SCP2: variants seen among roughly 807,000 people sequenced by gnomAD.
SCP2 encodes the protein SCP-2/3-oxoacyl-CoA thiolase.
Under a neutral mutation model 71.4 loss-of-function variants are expected in SCP2, and 48 were observed. That is an observed-to-expected ratio of 0.67 (90% confidence interval 0.53 to 0.86). The LOEUF (loss-of-function observed/expected upper bound fraction) is 0.86. SCP2 is among the 40% of genes least tolerant of loss of function. SCP2 has a pLI of 0.00. For missense variants in SCP2, 560 were observed against 655.6 expected, an observed-to-expected ratio of 0.85 and a Z score of 1.59; for synonymous variants, 220 against 218.1, an observed-to-expected ratio of 1.01 and a Z score of -0.08.
chr1:53,018,670 G>A (rs1307917158), intron 12 of SCP2, among the ~76,000 whole-genome samples: 3 of 151,922 alleles, frequency 2.0e-5, no homozygotes, highest in Non-Finnish European at 2.9e-5. Context: ...GAGCCTGGGA[G>A]GCAGAGGTTG....
intron 11 of SCP2, 68 bp from the exon 12 acceptor site, chr1:53,014,822 C>T (rs1661216733): frequency 4.5e-6 from 7 of 1,568,458 alleles, no homozygotes; most frequent in Non-Finnish European, 3.5e-6. Flanking sequence ...TTTAAAGTCA[C>T]AAACATCCCT....
At chr1:53,040,808 A>G (rs1453430956) in intron 14 of SCP2, among the ~76,000 whole-genome samples, 1 of 152,130 alleles carries the variant, frequency 6.6e-6, no homozygotes, top group Non-Finnish European at 1.5e-5. Context: ...ACCATCTCAT[A>G]TACCATGTAA....
At chr1:52,976,095 C>T (rs2150166054) in intron 7 of SCP2, among the ~76,000 whole-genome samples, 1 of 152,300 alleles carries the variant, frequency 6.6e-6, no homozygotes, top group South Asian at 2.1e-4. Flanking sequence ...GGTCTGGGAG[C>T]ATCCCAAGCA....
At chr1:52,931,064 A>C (rs145804792) in intron 1 of SCP2, among the ~76,000 whole-genome samples, 155 of 152,362 alleles carry the variant, frequency 1.0e-3, no homozygotes, top group African/African-American at 3.4e-3. Flanking sequence ...ACATGAATTT[A>C]TCTCTGTTGG....
At chr1:53,028,538 T>C (rs1662295421) in intron 13 of SCP2, among the ~76,000 whole-genome samples, 1 of 151,664 alleles carries the variant, frequency 6.6e-6, no homozygotes, top group African/African-American at 2.4e-5. Context: ...TAAAAAATTT[T>C]TTTGTTTTAA....
At chr1:52,996,656 C>T (rs567053619) in intron 11 of SCP2, among the ~76,000 whole-genome samples, 49 of 152,300 alleles carry the variant, frequency 3.2e-4, no homozygotes, top group African/African-American at 1.1e-3. Context: ...CTCTACCTCT[C>T]TCATATATTG....
At chr1:53,009,877 A>G (rs1322122732) in intron 11 of SCP2, among the ~76,000 whole-genome samples, 2 of 152,212 alleles carry the variant, frequency 1.3e-5, no homozygotes, top group African/African-American at 2.4e-5. Context: ...CAACCTACCT[A>G]TCTGAGAAAG....
At position 52,948,005 on chromosome 1, in the gene SCP2, A is replaced by C. The variant is rs1192876347; in HGVS notation, c.128-4A>C. 3 of 1,607,840 alleles carry C rather than the reference A, an allele frequency of 1.9e-6. No individual in the cohort carries two copies. Among genetic ancestry groups the C allele is most frequent in the African/African-American group, 1.3e-5 (1 of 74,810 alleles). Reference sequence around the variant, plus strand: ...TTTTTGATAAAAACCTTTCGTTTTTATAGGCAAGAAGGCTTTAGCTGATGC... The same window carrying C: ...TTTTTGATAAAAACCTTTCGTTTTTCTAGGCAAGAAGGCTTTAGCTGATGC... On this transcript the variant is annotated splice_polypyrimidine_tract_variant and splice_region_variant and intron_variant, in intron 2 of 15. Transcript: ENST00000371514.
chr1:52,971,883 T>C (rs528882812), intron 6 of SCP2, among the ~76,000 whole-genome samples: 96 of 152,200 alleles, frequency 6.3e-4, no homozygotes, highest in Non-Finnish European at 9.0e-4. Context: ...GTAATATTTC[T>C]AGGTTTTATG....
Position 53,039,907 on chromosome 1 carries a change from G to A in SCP2, c.1468+861G>A, listed in dbSNP as rs559533865. Among the ~76,000 whole-genome samples the A allele has an allele frequency of 8.9e-4, 136 of 152,306 alleles. No homozygotes were observed. In the Middle Eastern group the frequency reaches 0.01, roughly 11 times the overall value. On this transcript the variant is annotated intron_variant, in intron 14 of 15. Coordinates refer to ENST00000371514, the MANE Select transcript of SCP2 (RefSeq NM_002979.5). The stretch of plus-strand genomic sequence containing the variant: ...ACCTAATAGGTATCGCAAAGCTAAC[G>A]TGTGAAACTGAACTACAGATATTTC...
At chr1:52,970,329 A>T (rs1302664819) in intron 6 of SCP2, among the ~76,000 whole-genome samples, 1 of 152,176 alleles carries the variant, frequency 6.6e-6, no homozygotes, top group Non-Finnish European at 1.5e-5. Context: ...GGTGCACCAC[A>T]GCCACAAACC....
At chr1:52,956,456 T>G (rs1333296904) in intron 5 of SCP2, among the ~76,000 whole-genome samples, 1 of 152,222 alleles carries the variant, frequency 6.6e-6, no homozygotes, top group Non-Finnish European at 1.5e-5. Context: ...TAATATTTCT[T>G]AGAAACCACA....
At chr1:53,041,131 C>G (rs550932898) in intron 14 of SCP2, among the ~76,000 whole-genome samples, 1 of 151,988 alleles carries the variant, frequency 6.6e-6, no homozygotes, top group Non-Finnish European at 1.5e-5. Flanking sequence ...GGGCTGGGCA[C>G]GGTGGCTCAC....
intron 1 of SCP2, among the ~76,000 whole-genome samples, chr1:52,937,912 C>T (rs1572047803): frequency 6.6e-6 from 1 of 152,124 alleles, no homozygotes; most frequent in African/African-American, 2.4e-5. Flanking sequence ...CAGTGGATTG[C>T]TGGACAGCTA....
intron 5 of SCP2, among the ~76,000 whole-genome samples, chr1:52,956,609 GA>G (rs1241633639): frequency 6.6e-6 from 1 of 152,106 alleles, no homozygotes; most frequent in East Asian, 1.9e-4. Context: ...AGATGTCAGG[GA>G]AAGCATCATG....
intron 14 of SCP2, among the ~76,000 whole-genome samples, chr1:53,045,064 G>A (rs1415485759): frequency 6.6e-6 from 1 of 151,858 alleles, no homozygotes; most frequent in Non-Finnish European, 1.5e-5. Flanking sequence ...TTTTTGTTTT[G>A]CGTTTTGTAA....
In SCP2 at chr1:53,015,057, A is replaced by G; in HGVS notation, c.1235+14A>G. 1 of 1,613,326 alleles carries G rather than the reference A, an allele frequency of 6.2e-7. No individual in the cohort carries two copies. The highest frequency in any genetic ancestry group is 8.5e-7 in the Non-Finnish European group (1 of 1,179,272). On this transcript the variant is annotated intron_variant, in intron 12 of 15. Coordinates refer to ENST00000371514, the MANE Select transcript of SCP2 (RefSeq NM_002979.5). ...GGAAGCCGCCAGGTGAGTGACATTC[A>G]GAGTTTTGTGTGTCAGTTAATCCTT...
chr1:52,953,846 A>T (rs1190410844), intron 4 of SCP2, among the ~76,000 whole-genome samples: 1 of 150,416 alleles, frequency 6.6e-6, no homozygotes, highest in Admixed American at 6.6e-5. Flanking sequence ...AAAAAAAGCA[A>T]GAAAACTGGT....
intron 12 of SCP2, among the ~76,000 whole-genome samples, chr1:53,024,614 A>G (rs1191330376): frequency 6.9e-6 from 1 of 145,154 alleles, no homozygotes; most frequent in African/African-American, 2.6e-5. Flanking sequence ...TCTGTTGCCC[A>G]GGCTGGAGTG....
Sources: allele counts gnomAD v4.1 joint callset (sites outside exome capture counted in the v4.1 genomes callset), GRCh38; gene constraint gnomAD v4.1.1; transcripts MANE v1.5; gene names NCBI Gene and HGNC (gene_info 2026-07-23, HGNC 2026-07-21).